Variants in ABCB11 observed in about 807,000 individuals in gnomAD.
ABCB11 encodes ATP binding cassette subfamily B member 11.
Under a neutral mutation model 148.0 loss-of-function variants are expected in ABCB11, and 95 were observed. The observed-to-expected ratio is 0.64, with a 90% CI of 0.54 to 0.76. The LOEUF (loss-of-function observed/expected upper bound fraction) is 0.76. ABCB11 is among the 30% of genes least tolerant of loss of function. The pLI is 0.00. For missense variants in ABCB11, 1,523 were observed against 1,617.8 expected (o/e 0.94, Z 1.01); for synonymous variants, 591 against 555.4 (o/e 1.06, Z -0.90).
chr2:168,918,760 T>C (rs1690993780), downstream of ABCB11, among the ~76,000 whole-genome samples: 1 of 152,198 alleles, frequency 6.6e-6, no homozygotes. Context: ...TGCTCACTTT[T>C]TGTGATTAGA....
chr2:168,927,495 A>G (rs1306778483), intron 25 of ABCB11, 133 bp from the exon 26 acceptor site: 2 of 716,496 alleles, frequency 2.8e-6, no homozygotes, highest in African/African-American at 3.6e-5. Flanking sequence ...GGCTAAAATT[A>G]TGGAATAAAT....
intron 9 of ABCB11, among the ~76,000 whole-genome samples, chr2:168,987,765 A>G (rs1694374747): frequency 6.6e-6 from 1 of 152,198 alleles, no homozygotes; most frequent in Non-Finnish European, 1.5e-5. Flanking sequence ...CAGACTTTAT[A>G]AAGAACATGT....
Position 168,993,781 on chromosome 2 carries a change from C to G in ABCB11, c.713G>C (p.Gly238Ala), listed in dbSNP as rs72551306. 2 of 1,611,040 alleles carry G rather than the reference C, an allele frequency of 1.2e-6. No individual in the cohort carries two copies. The highest frequency in any genetic ancestry group is 1.7e-5 in the Admixed American group (1 of 59,670). Residue 238 changes from glycine to alanine, a missense_variant, in exon 8 of 28, where the codon GGT (glycine) becomes GCT (alanine). By Grantham distance (60) the Gly-to-Ala change is moderately conservative (BLOSUM62 0). Transcript: ENST00000650372. ...ICGFLLGFFR[G>A]WKLTLVIISV... ...AATAATAACCAAGGTCAGTTTCCAA[C>G]CCCTGAAAAATCCCAACAGGAAACC...
chr2:169,029,931 G>A (rs1695815181), intron 1 of ABCB11, among the ~76,000 whole-genome samples: 1 of 131,080 alleles, frequency 7.6e-6, no homozygotes, highest in African/African-American at 3.0e-5. Context: ...TAGTAGAGAC[G>A]GGGTTTCACC....
intron 17 of ABCB11, among the ~76,000 whole-genome samples, chr2:168,967,083 C>T (rs1218944148): frequency 6.6e-6 from 1 of 151,816 alleles, no homozygotes; most frequent in Non-Finnish European, 1.5e-5. Context: ...AACCTTTAAC[C>T]TAGTGACCAA....
chr2:168,925,992 T>A (rs1347409077), intron 26 of ABCB11, among the ~76,000 whole-genome samples: 1 of 152,174 alleles, frequency 6.6e-6, no homozygotes, highest in African/African-American at 2.4e-5. Flanking sequence ...AGGTAAGAAC[T>A]GGGCCAAGAG....
chr2:168,929,695 G>A (rs1691477561), intron 25 of ABCB11, among the ~76,000 whole-genome samples: 1 of 152,180 alleles, frequency 6.6e-6, no homozygotes, highest in Admixed American at 6.5e-5. Flanking sequence ...CTTTTAGAAA[G>A]TGAGAATTCA....
intron 19 of ABCB11, among the ~76,000 whole-genome samples, chr2:168,945,666 A>G (rs1365184087): frequency 1.4e-5 from 2 of 143,384 alleles, no homozygotes; most frequent in African/African-American, 2.5e-5. Flanking sequence ...AAAGGGAAGG[A>G]AGGGAGGGAG....
At chr2:168,957,592 C>T (rs1479168348) in intron 19 of ABCB11, among the ~76,000 whole-genome samples, 1 of 151,710 alleles carries the variant, frequency 6.6e-6, no homozygotes. Flanking sequence ...TGTACCTCTG[C>T]TGTTCAGCAA....
chr2:168,982,093 T>C (rs1694153236), intron 10 of ABCB11, among the ~76,000 whole-genome samples: 1 of 152,132 alleles, frequency 6.6e-6, no homozygotes, highest in Non-Finnish European at 1.5e-5. Context: ...TCATATTCTT[T>C]AGCCCTGTGA....
At chr2:168,968,362 A>C in intron 17 of ABCB11, 65 bp downstream of exon 17, 4 of 1,422,642 alleles carry the variant, frequency 2.8e-6, no homozygotes, top group Non-Finnish European at 3.9e-6. Context: ...TCTGAGGATT[A>C]GGACTACAGA....
intron 4 of ABCB11, 131 bp from the exon 5 acceptor site, chr2:169,013,641 A>T (rs1695261198): frequency 1.5e-6 from 1 of 655,460 alleles, no homozygotes; most frequent in African/African-American, 1.8e-5. Context: ...ACCTTAATTG[A>T]GTGGCAGAGT....
intron 26 of ABCB11, among the ~76,000 whole-genome samples, chr2:168,925,062 A>T (rs1286808100): frequency 6.6e-6 from 1 of 152,042 alleles, no homozygotes; most frequent in Non-Finnish European, 1.5e-5. Flanking sequence ...TATATTTTCA[A>T]TCTCCTTCTC....
Position 168,972,025 on chromosome 2 carries a change from C to A in ABCB11, c.1460G>T (p.Arg487Leu). ...GMVTVDGHDI[R>L]SLNIQWLRDQ... ...TCTAAGCCACTGAATGTTAAGAGAG[C>A]GAATGTCATGGCCATCCACGGTCAC... Residue 487 changes from arginine (R) to leucine (L), a missense_variant, in exon 14 of 28, where the codon CGC becomes CTC. Transcript: ENST00000650372. 1.2e-6 allele frequency: 2 copies of A among 1,612,670 alleles called. No individual in the cohort carries two copies. The highest frequency in any genetic ancestry group is 1.7e-4 in the Middle Eastern group (1 of 6,054).
chr2:169,020,951 A>G (rs1695517602), intron 1 of ABCB11, among the ~76,000 whole-genome samples: 1 of 151,990 alleles, frequency 6.6e-6, no homozygotes, highest in South Asian at 2.1e-4. Flanking sequence ...AATTTTTTAA[A>G]GTCAAGACAT....
intron 5 of ABCB11, among the ~76,000 whole-genome samples, chr2:169,008,303 C>T (rs1436433269): frequency 6.6e-6 from 1 of 152,164 alleles, no homozygotes; most frequent in Non-Finnish European, 1.5e-5. Context: ...TTTCCCCCTG[C>T]TTCTTCCAGC....
At chr2:168,965,343 C>G (rs996140096) in intron 17 of ABCB11, among the ~76,000 whole-genome samples, 5 of 151,692 alleles carry the variant, frequency 3.3e-5, no homozygotes, top group African/African-American at 1.2e-4. Flanking sequence ...CCATTCTCCT[C>G]TAGGTTAATC....
chr2:168,947,521 G>C (rs79446704), intron 19 of ABCB11, among the ~76,000 whole-genome samples: 55 of 151,754 alleles, frequency 3.6e-4, no homozygotes, highest in African/African-American at 1.3e-3. Flanking sequence ...TCATTTGCTG[G>C]GTCCATTCCC....
intron 10 of ABCB11, among the ~76,000 whole-genome samples, chr2:168,984,409 A>G (rs1001331292): frequency 1.3e-5 from 2 of 152,208 alleles, no homozygotes; most frequent in Non-Finnish European, 2.9e-5. Flanking sequence ...TGTCTGGCAC[A>G]TAGTAGATGC....
Sources: allele counts gnomAD v4.1 joint callset (sites outside exome capture counted in the v4.1 genomes callset), GRCh38; gene constraint gnomAD v4.1.1; transcripts MANE v1.5; gene names NCBI Gene and HGNC (gene_info 2026-07-23, HGNC 2026-07-21).